The following CREB5 variants were observed in gnomAD, a reference collection of about 807,000 sequenced individuals.
CREB5 encodes the protein cAMP responsive element binding protein 5, also known as cyclic AMP-responsive element-binding protein 5.
Under a neutral mutation model 57.1 loss-of-function variants are expected in CREB5, and 19 were observed. That is an observed-to-expected ratio of 0.33 (90% CI 0.23 to 0.49). The LOEUF (loss-of-function observed/expected upper bound fraction) is 0.49, where lower values mean the gene tolerates loss of function less well. Ranked by LOEUF, CREB5 falls within the 20% of genes least tolerant of loss-of-function variation. The probability of loss-of-function intolerance (pLI) is 0.99; values close to 1 mark genes in which losing one functional copy is unlikely to be tolerated. For missense variants in CREB5, 579 were observed against 671.6 expected (o/e 0.86, Z 1.52); for synonymous variants, 238 against 238.3 (o/e 1.00, Z 0.01).
chr7:28,306,541 G>GTTTTTTTTTTTTTTTTTTT lies in CREB5; in HGVS notation c.-25+7104_-25+7105insTTTTTTTTTTTTTTTTTTT, dbSNP rs199561235. Among the ~76,000 whole-genome samples the GTTTTTTTTTTTTTTTTTTT allele has an allele frequency of 2.2e-4, 10 of 44,456 alleles. 3 individuals are homozygous for GTTTTTTTTTTTTTTTTTTT. The highest frequency in any genetic ancestry group is 5.4e-4 in the African/African-American group (7 of 12,928). 29.2% of individuals were successfully genotyped at this position (44,456 alleles called of 152,430 possible). The stretch of plus-strand genomic sequence containing the variant: ...ACTGGTGCCAGTACATACAGATACA[G>GTTTTTTTTTTTTTTTTTTT]TTTTGTTTTTTTTGTTTTTTTTTTT... On this transcript the variant is annotated intron_variant, in intron 1 of 9. Transcript: ENST00000396299.
chr7:28,440,751 T>C (rs546614859), intron 1 of CREB5, among the ~76,000 whole-genome samples: 71 of 152,304 alleles, frequency 4.7e-4, no homozygotes, highest in Non-Finnish European at 8.1e-4. Context: ...GGGCTGGAAG[T>C]GTTTTATCAA....
intron 1 of CREB5, among the ~76,000 whole-genome samples, chr7:28,341,776 C>A (rs1045299464): frequency 6.6e-6 from 1 of 152,212 alleles, no homozygotes; most frequent in African/African-American, 2.4e-5. Flanking sequence ...CTTTCTCTTG[C>A]CCTTGCTCAT....
intron 7 of CREB5, among the ~76,000 whole-genome samples, chr7:28,734,128 G>A (rs1336371561): frequency 6.7e-6 from 1 of 149,980 alleles, no homozygotes; most frequent in African/African-American, 2.5e-5. Context: ...CCATCTGAAG[G>A]TGTGGTGGCC....
chr7:28,435,729 C>T, intron 1 of CREB5: 1 of 898,896 alleles, frequency 1.1e-6, no homozygotes, highest in South Asian at 5.1e-5. Context: ...GACAGATGAA[C>T]CAAACACTCA....
At chr7:28,816,413 C>T (rs1291795142) in intron 9 of CREB5, among the ~76,000 whole-genome samples, 2 of 152,024 alleles carry the variant, frequency 1.3e-5, no homozygotes, top group Non-Finnish European at 2.9e-5. Flanking sequence ...CTTGTATGTT[C>T]TGAGATGTAA....
At chr7:28,467,381 A>T (rs184462956) in intron 1 of CREB5, among the ~76,000 whole-genome samples, 1 of 152,256 alleles carries the variant, frequency 6.6e-6, no homozygotes, top group East Asian at 1.9e-4. Context: ...AACACATCCC[A>T]TTATTCCGTC....
At chr7:28,729,446 C>T (rs6964675) in intron 7 of CREB5, among the ~76,000 whole-genome samples, 13,377 of 152,200 alleles carry the variant, frequency 0.088, 1,910 homozygotes, top group African/African-American at 0.3. Flanking sequence ...ATATCCACTT[C>T]GTTTTGAATG....
chr7:28,447,837 T>C (rs1789564004), intron 1 of CREB5, among the ~76,000 whole-genome samples: 1 of 152,204 alleles, frequency 6.6e-6, no homozygotes. Flanking sequence ...TTTTCTTTTT[T>C]ACTTAGAGAG....
At chr7:28,386,146 T>C (rs980604567) in intron 1 of CREB5, among the ~76,000 whole-genome samples, 7 of 152,206 alleles carry the variant, frequency 4.6e-5, no homozygotes, top group Admixed American at 1.3e-4. Context: ...ATTTTCTTTG[T>C]CTATTTTCCT....
In CREB5 at chr7:28,646,627, A is replaced by C. The variant is rs189945712; in HGVS notation, c.465-72126A>C. On this transcript the variant is annotated intron_variant, in intron 5 of 10. Coordinates refer to ENST00000357727, the MANE Select transcript of CREB5 (RefSeq NM_182898.4). ...CATGACAGCATTAACCAAGGGTAAC[A>C]GAGAACAAAGCTTTTAAACTTAGAA... 2.3e-4 allele frequency among the ~76,000 whole-genome samples: 35 copies of C among 152,338 alleles called. No individual in the cohort carries two copies. In the East Asian group the frequency reaches 6.0e-3, roughly 26 times the overall value.
intron 5 of CREB5, among the ~76,000 whole-genome samples, chr7:28,667,965 A>C (rs1318222569): frequency 2.6e-5 from 4 of 152,220 alleles, no homozygotes; most frequent in Non-Finnish European, 4.4e-5. Context: ...AAGGTTTAAA[A>C]AATGCACGTC....
intron 1 of CREB5, among the ~76,000 whole-genome samples, chr7:28,326,154 T>TATCTATCTATCTATCC (rs1359379440): frequency 3.9e-4 from 2 of 5,122 alleles, no homozygotes; most frequent in African/African-American, 1.5e-3. Flanking sequence ...ACACACACAT[T>TATCTATCTATCTATCC]ATCTATCTAT....
intron 4 of CREB5, among the ~76,000 whole-genome samples, chr7:28,508,772 T>C (rs1298068411): frequency 6.6e-6 from 1 of 152,236 alleles, no homozygotes; most frequent in East Asian, 1.9e-4. Flanking sequence ...CAACTCGTTT[T>C]ACTTATTTAT....
intron 5 of CREB5, among the ~76,000 whole-genome samples, chr7:28,626,573 C>G (rs1399416405): frequency 6.6e-6 from 1 of 152,198 alleles, no homozygotes; most frequent in African/African-American, 2.4e-5. Context: ...GATCTGCTCT[C>G]TTAACCCCTC....
At chr7:28,419,633 C>T (rs1234108792) in intron 1 of CREB5, among the ~76,000 whole-genome samples, 1 of 152,122 alleles carries the variant, frequency 6.6e-6, no homozygotes, top group East Asian at 1.9e-4. Flanking sequence ...AAAACCTGGG[C>T]CAGTGAGGAC....
At chr7:28,728,689 G>A (rs967701588) in intron 7 of CREB5, among the ~76,000 whole-genome samples, 10 of 152,136 alleles carry the variant, frequency 6.6e-5, no homozygotes, top group South Asian at 4.1e-4. Context: ...TCTTTGCATC[G>A]TGCAAGCTCC....
intron 4 of CREB5, among the ~76,000 whole-genome samples, chr7:28,542,600 C>A (rs1794252234): frequency 6.6e-6 from 1 of 151,964 alleles, no homozygotes; most frequent in African/African-American, 2.4e-5. Context: ...GTGTGTGTGA[C>A]CCTCTCTCTG....
At chr7:28,695,950 G>A (rs1261430596) in intron 5 of CREB5, among the ~76,000 whole-genome samples, 1 of 151,580 alleles carries the variant, frequency 6.6e-6, no homozygotes, top group Non-Finnish European at 1.5e-5. Flanking sequence ...TGAAAAAAAA[G>A]AGAGCAAAGG....
chr7:28,379,948 G>C (rs1786933986), intron 1 of CREB5, among the ~76,000 whole-genome samples: 2 of 152,144 alleles, frequency 1.3e-5, no homozygotes, highest in Admixed American at 1.3e-4. Context: ...GCAGTGCAGT[G>C]ATATAATCAT....
Sources: allele counts gnomAD v4.1 joint callset (sites outside exome capture counted in the v4.1 genomes callset), GRCh38; gene constraint gnomAD v4.1.1; transcripts MANE v1.5; gene names NCBI Gene and HGNC (gene_info 2026-07-23, HGNC 2026-07-21).